DPYD: variants seen among roughly 807,000 people sequenced by gnomAD.
DPYD encodes dihydropyrimidine dehydrogenase [NADP(+)].
DPYD carries 109 observed loss-of-function variants against 116.2 expected under a neutral mutation model. The observed-to-expected ratio is 0.94, with a 90% CI of 0.80 to 1.10. DPYD has a LOEUF of 1.10. Among genes scored for constraint, DPYD ranks in the 50% least tolerant of loss-of-function variants. The pLI, the probability that DPYD is intolerant of heterozygous loss-of-function variation, is 0.00. For synonymous variants in DPYD, 440 were observed against 432.0 expected (o/e 1.02, Z -0.23); for missense variants, 1,302 against 1,254.5 (o/e 1.04, Z -0.57).
At chr1:97,292,829 G>A (rs1424117174) in intron 18 of DPYD, among the ~76,000 whole-genome samples, 2 of 150,972 alleles carry the variant, frequency 1.3e-5, no homozygotes, top group East Asian at 3.9e-4. Flanking sequence ...GGAACACTAG[G>A]GTAAAAAGAT....
At chr1:97,520,990 T>C (rs2811175) in intron 12 of DPYD, among the ~76,000 whole-genome samples, 94,193 of 151,932 alleles carry the variant, frequency 0.62, 29,348 homozygotes, top group East Asian at 0.76. Flanking sequence ...GGTATATACT[T>C]AGTAATGGGA....
At chr1:97,719,512 A>G (rs1257044198) in intron 5 of DPYD, among the ~76,000 whole-genome samples, 1 of 152,008 alleles carries the variant, frequency 6.6e-6, no homozygotes, top group Non-Finnish European at 1.5e-5. Context: ...TATTTGCATC[A>G]TATTACACTT....
chr1:97,202,255 A>G (rs747693100), intron 19 of DPYD, among the ~76,000 whole-genome samples: 8 of 152,172 alleles, frequency 5.3e-5, no homozygotes, highest in Non-Finnish European at 1.0e-4. Context: ...GATCAGTCCA[A>G]ATGGTATAGG....
intron 20 of DPYD, among the ~76,000 whole-genome samples, chr1:97,151,995 G>A (rs1655061172): frequency 6.6e-6 from 1 of 152,108 alleles, no homozygotes; most frequent in Admixed American, 6.5e-5. Flanking sequence ...TCAAAAATAA[G>A]TATTACATTA....
intron 13 of DPYD, among the ~76,000 whole-genome samples, chr1:97,510,514 AC>A (rs1647709840): frequency 6.6e-6 from 1 of 151,914 alleles, no homozygotes; most frequent in South Asian, 2.1e-4. Context: ...AAGATAATGA[AC>A]CTTGAGCCTA....
chr1:97,317,233 G>A (rs1057026021), intron 16 of DPYD, among the ~76,000 whole-genome samples: 7 of 151,792 alleles, frequency 4.6e-5, no homozygotes, highest in African/African-American at 7.3e-5. Flanking sequence ...TATTAATGAG[G>A]GTATGCAGCA....
At chr1:97,553,541 C>G (rs995944737) in intron 11 of DPYD, among the ~76,000 whole-genome samples, 2 of 151,906 alleles carry the variant, frequency 1.3e-5, no homozygotes, top group African/African-American at 4.8e-5. Context: ...CTGTCTTTAC[C>G]CAGCTTGGAA....
chr1:97,711,235 G>A (rs980447669), intron 5 of DPYD, among the ~76,000 whole-genome samples: 9 of 151,826 alleles, frequency 5.9e-5, no homozygotes, highest in Non-Finnish European at 1.2e-4. Flanking sequence ...CAATTGAATA[G>A]AGTGGTTAAA....
intron 10 of DPYD, among the ~76,000 whole-genome samples, chr1:97,579,298 A>C (rs1653477742): frequency 6.6e-6 from 1 of 152,242 alleles, no homozygotes; most frequent in African/African-American, 2.4e-5. Flanking sequence ...AGAATGAAGG[A>C]CAAATTATTA....
At chr1:97,337,737 A>G (rs1019269018) in intron 16 of DPYD, among the ~76,000 whole-genome samples, 4 of 152,076 alleles carry the variant, frequency 2.6e-5, no homozygotes, top group African/African-American at 9.7e-5. Flanking sequence ...GAATTTTTAA[A>G]AAGCTGTATT....
chr1:97,544,051 T>C (rs1470131017), intron 12 of DPYD, among the ~76,000 whole-genome samples: 1 of 152,154 alleles, frequency 6.6e-6, no homozygotes, highest in Non-Finnish European at 1.5e-5. Context: ...AGTTTGGCCT[T>C]TACCTTGAGT....
chr1:97,407,612 A>T (rs2101655791), intron 14 of DPYD, among the ~76,000 whole-genome samples: 1 of 152,268 alleles, frequency 6.6e-6, no homozygotes, highest in South Asian at 2.1e-4. Flanking sequence ...CAACTAGGTG[A>T]CAAAGCTTTA....
intron 20 of DPYD, among the ~76,000 whole-genome samples, chr1:97,142,276 A>C (rs997911449): frequency 6.6e-6 from 1 of 152,196 alleles, no homozygotes; most frequent in Non-Finnish European, 1.5e-5. Flanking sequence ...CTTCAGTTAG[A>C]CTTTGGCAAG....
intron 11 of DPYD, among the ~76,000 whole-genome samples, chr1:97,561,252 G>A (rs954177137): frequency 9.8e-5 from 15 of 152,306 alleles, no homozygotes; most frequent in Admixed American, 3.3e-4. Flanking sequence ...AGCATCCAGC[G>A]TCTGACCATT....
At chr1:97,702,053 G>T (rs752351046) in intron 5 of DPYD, among the ~76,000 whole-genome samples, 1 of 151,600 alleles carries the variant, frequency 6.6e-6, no homozygotes, top group African/African-American at 2.4e-5. Flanking sequence ...AAACAGTACA[G>T]ATTTTCTTAA....
intron 11 of DPYD, 25 bp downstream of exon 11, chr1:97,573,735 C>T (rs772797143): frequency 1.2e-6 from 2 of 1,612,862 alleles, no homozygotes; most frequent in Non-Finnish European, 1.7e-6. Context: ...AATTGCATCA[C>T]ACATTTCAGC....
chr1:97,315,875 T>C (rs1042267118), intron 16 of DPYD, among the ~76,000 whole-genome samples: 21 of 151,946 alleles, frequency 1.4e-4, no homozygotes, highest in Non-Finnish European at 2.6e-4. Context: ...GCTAATTTTT[T>C]TCCTAGAAAA....
rs201476960 is a variant in DPYD at position 97,325,057 on chromosome 1, GA to G, written c.2059-18761del. On this transcript the variant is annotated intron_variant, in intron 16 of 22. Transcript: ENST00000370192. The stretch of plus-strand genomic sequence containing the variant: ...AACAGTTGATGAAGTTTTCATGGGG[GA>G]AAAAAATCTTTAAAGTGCTTGATAT... Among the ~76,000 whole-genome samples the G allele has an allele frequency of 4.1e-3, 624 of 152,014 alleles. 9 individuals carry two copies. The highest frequency in any genetic ancestry group is 0.014 in the African/African-American group (590 of 41,500).
chr1:97,854,638 A>G (rs917067249), intron 2 of DPYD, among the ~76,000 whole-genome samples: 1 of 152,226 alleles, frequency 6.6e-6, no homozygotes, highest in Non-Finnish European at 1.5e-5. Flanking sequence ...TGATACGTGA[A>G]AAGTTTGAAA....
Sources: gnomAD v4.1 joint callset for allele counts (sites outside exome capture counted in the v4.1 genomes callset) on GRCh38, gnomAD v4.1.1 for gene constraint, MANE v1.5 for transcripts, NCBI Gene and HGNC (gene_info 2026-07-23, HGNC 2026-07-21) for gene names.